The following CADPS2 variants were observed in gnomAD, a reference collection of about 807,000 sequenced individuals.
CADPS2 encodes calcium dependent secretion activator 2, also known as calcium-dependent secretion activator 2.
In CADPS2, 93 loss-of-function variants were observed where a neutral mutation model predicts 172.5. That is an observed-to-expected ratio of 0.54 (90% CI 0.46 to 0.64). The LOEUF is 0.64. Among genes scored for constraint, CADPS2 ranks in the 30% least tolerant of loss-of-function variants. CADPS2 has a pLI of 0.00. For synonymous variants in CADPS2, 546 were observed against 555.2 expected, an observed-to-expected ratio of 0.98 and a Z score of 0.23; for missense variants, 1,420 against 1,565.9, an observed-to-expected ratio of 0.91 and a Z score of 1.57.
At chr7:122,879,138 G>A (rs569805872) in intron 1 of CADPS2, among the ~76,000 whole-genome samples, 9 of 151,614 alleles carry the variant, frequency 5.9e-5, no homozygotes, top group South Asian at 2.1e-4. Context: ...TCGAGAGGCC[G>A]AGGCACAAGA....
At chr7:122,323,829 TTATG>T (rs57673491) in intron 29 of CADPS2, among the ~76,000 whole-genome samples, 53,022 of 146,614 alleles carry the variant, frequency 0.36, 9,909 homozygotes, top group East Asian at 0.47. Flanking sequence ...AGTACAACTG[TTATG>T]TATGTGTATA....
At chr7:122,514,719 G>A (rs1330471563) in intron 8 of CADPS2, among the ~76,000 whole-genome samples, 3 of 152,020 alleles carry the variant, frequency 2.0e-5, no homozygotes, top group African/African-American at 7.2e-5. Context: ...TTATATTATT[G>A]GAAACTGATA....
At chr7:122,629,938 T>C (rs1435586205) in intron 3 of CADPS2, among the ~76,000 whole-genome samples, 2 of 151,896 alleles carry the variant, frequency 1.3e-5, no homozygotes, top group East Asian at 3.9e-4. Flanking sequence ...GCTCTCATCA[T>C]TTTTTTTAGA....
intron 17 of CADPS2, among the ~76,000 whole-genome samples, chr7:122,431,865 G>A (rs2049964370): frequency 6.8e-6 from 1 of 146,890 alleles, no homozygotes; most frequent in Admixed American, 6.8e-5. Context: ...AGGTTGCAGT[G>A]GGCCAAGATC....
At chr7:122,772,816 G>C (rs1301120668) in intron 1 of CADPS2, among the ~76,000 whole-genome samples, 1 of 152,082 alleles carries the variant, frequency 6.6e-6, no homozygotes, top group East Asian at 1.9e-4. Flanking sequence ...ACTATGCCTA[G>C]ATAAGATACT....
At chr7:122,803,763 T>C (rs1054554169) in intron 1 of CADPS2, among the ~76,000 whole-genome samples, 2 of 152,160 alleles carry the variant, frequency 1.3e-5, no homozygotes, top group African/African-American at 4.8e-5. Context: ...CTAAGCATGA[T>C]ACAAGTCAAA....
At chr7:122,639,390 A>G (rs529455740) in intron 3 of CADPS2, among the ~76,000 whole-genome samples, 3 of 152,320 alleles carry the variant, frequency 2.0e-5, no homozygotes, top group African/African-American at 4.8e-5. Flanking sequence ...GTAGAAAAAC[A>G]TCCATTATAT....
intron 27 of CADPS2, among the ~76,000 whole-genome samples, chr7:122,346,480 G>C (rs375127026): frequency 2.0e-5 from 3 of 152,064 alleles, no homozygotes; most frequent in African/African-American, 7.2e-5. Flanking sequence ...TTTTTATTAA[G>C]CTGAGTAAAA....
At chr7:122,452,581 A>C (rs1000222198) in intron 14 of CADPS2, among the ~76,000 whole-genome samples, 15 of 152,220 alleles carry the variant, frequency 9.9e-5, no homozygotes, top group Non-Finnish European at 2.1e-4. Flanking sequence ...TTTTTAGTAG[A>C]GATGGGGTTT....
intron 19 of CADPS2, among the ~76,000 whole-genome samples, 172 bp downstream of exon 19, chr7:122,413,896 C>A (rs2047594106): frequency 6.6e-6 from 1 of 152,114 alleles, no homozygotes. Flanking sequence ...AATATACATA[C>A]ACAAAACAAT....
At chr7:122,456,603 C>A (rs894917764) in intron 14 of CADPS2, among the ~76,000 whole-genome samples, 1 of 152,156 alleles carries the variant, frequency 6.6e-6, no homozygotes, top group Admixed American at 6.5e-5. Context: ...CAAGTGAACA[C>A]CAAGTGCAGT....
At chr7:122,444,744 G>A (rs779226508) in intron 15 of CADPS2, among the ~76,000 whole-genome samples, 1 of 152,070 alleles carries the variant, frequency 6.6e-6, no homozygotes, top group East Asian at 1.9e-4. Context: ...CCTATTCTGC[G>A]ACTTAACTTT....
intron 9 of CADPS2, among the ~76,000 whole-genome samples, chr7:122,501,874 CAAAAA>C (rs1173009562): frequency 2.4e-5 from 1 of 42,166 alleles, no homozygotes; most frequent in Non-Finnish European, 4.7e-5. Flanking sequence ...GACTCCGTCT[CAAAAA>C]AAAAAAAAAA....
intron 1 of CADPS2, among the ~76,000 whole-genome samples, chr7:122,862,815 C>T (rs1206952318): frequency 1.3e-5 from 2 of 151,622 alleles, no homozygotes; most frequent in African/African-American, 4.8e-5. Context: ...TAAATAAATA[C>T]ATGATCCTAA....
In CADPS2 at chr7:122,737,045, TA is replaced by T; in HGVS notation, c.362del (p.Leu121TyrfsTer2). 6.2e-7 allele frequency: 1 copy of T among 1,602,324 alleles called. No individual in the cohort carries two copies. The highest frequency in any genetic ancestry group is 8.6e-7 in the Non-Finnish European group (1 of 1,169,512). On this transcript the variant is annotated frameshift_variant, in exon 2 of 30. Transcript: ENST00000449022. LOFTEE classifies it high-confidence loss of function. ...GGAAGGCCTGGAACCGTTCTTTCAG[TA>T]ACTGCAACTGTTGTTTGTTAAGCTA... ...QQKLNKQQLQ[L>X]LKERFQAFLN...
At chr7:122,742,559 C>T (rs774341893) in intron 1 of CADPS2, among the ~76,000 whole-genome samples, 1 of 152,110 alleles carries the variant, frequency 6.6e-6, no homozygotes, top group African/African-American at 2.4e-5. Context: ...GTGTGGCCAA[C>T]AGAGAGATAA....
intron 1 of CADPS2, among the ~76,000 whole-genome samples, chr7:122,844,020 G>T (rs1811293757): frequency 6.6e-6 from 1 of 152,226 alleles, no homozygotes; most frequent in Non-Finnish European, 1.5e-5. Context: ...GAGTTAGTTA[G>T]GAATCCAGTT....
At chr7:122,808,101 T>G (rs961519857) in intron 1 of CADPS2, among the ~76,000 whole-genome samples, 9 of 152,174 alleles carry the variant, frequency 5.9e-5, no homozygotes, top group African/African-American at 2.2e-4. Flanking sequence ...TGAATAAATT[T>G]ATGGAAAGCA....
At position 122,874,989 on chromosome 7, in the gene CADPS2, C is replaced by T. The variant is rs531422439; in HGVS notation, c.339+11010G>A. On this transcript the variant is annotated intron_variant, in intron 1 of 29. Transcript: ENST00000449022. The stretch of plus-strand genomic sequence containing the variant: ...AAGAAACAGAAAACACTGAACAAAA[C>T]AGAAAATAAGATTAAACATATCAGT... Among the ~76,000 whole-genome samples the T allele has an allele frequency of 2.0e-5, 3 of 152,212 alleles. No homozygotes were observed. In the South Asian group the frequency reaches 6.2e-4, roughly 32 times the overall value.
Sources: allele counts gnomAD v4.1 joint callset (sites outside exome capture counted in the v4.1 genomes callset), GRCh38; gene constraint gnomAD v4.1.1; transcripts MANE v1.5; gene names NCBI Gene and HGNC (gene_info 2026-07-23, HGNC 2026-07-21).